Variants in PARD3B observed in about 807,000 individuals in gnomAD.
PARD3B encodes partitioning defective 3 homolog B.
Under a neutral mutation model 130.2 loss-of-function variants are expected in PARD3B, and 103 were observed. That is an observed-to-expected ratio of 0.79 (90% CI 0.67 to 0.93). The LOEUF (loss-of-function observed/expected upper bound fraction) is 0.93, where lower values mean the gene tolerates loss of function less well. Ranked by LOEUF, PARD3B falls within the 40% of genes least tolerant of loss-of-function variation. The pLI is 0.00. For missense variants in PARD3B, 1,609 were observed against 1,499.2 expected, an observed-to-expected ratio of 1.07 and a Z score of -1.21; for synonymous variants, 583 against 553.2, an observed-to-expected ratio of 1.05 and a Z score of -0.76.
chr2:204,853,191 T>A (rs2044780403), intron 2 of PARD3B, among the ~76,000 whole-genome samples: 1 of 152,320 alleles, frequency 6.6e-6, no homozygotes, highest in Non-Finnish European at 1.5e-5. Context: ...TAGCTCCGAT[T>A]TGATAAACAT....
chr2:205,355,750 T>C (rs555817598), intron 18 of PARD3B, among the ~76,000 whole-genome samples: 13 of 152,270 alleles, frequency 8.5e-5, no homozygotes, highest in African/African-American at 3.1e-4. Context: ...TTTAATTGGC[T>C]CACAGTTCAG....
chr2:204,554,150 C>T (rs1268140667), intron 1 of PARD3B, among the ~76,000 whole-genome samples: 1 of 152,008 alleles, frequency 6.6e-6, no homozygotes, highest in East Asian at 1.9e-4. Flanking sequence ...TTGGTTGTTC[C>T]TTCTTTCCTC....
Position 204,969,986 on chromosome 2 carries a change from G to C in PARD3B, c.394+4663G>C, listed in dbSNP as rs377398444. 2.0e-5 allele frequency among the ~76,000 whole-genome samples: 3 copies of C among 152,160 alleles called. No homozygotes were observed. The South Asian group carries it at 6.2e-4, about 32-fold the overall frequency. On this transcript the variant is annotated intron_variant, in intron 3 of 22. Transcript: ENST00000406610. ...AACCAATATACTAATGGGATCCATA[G>C]ATGTGGGGTTTTTTTTAATAACGTG...
At chr2:204,709,592 C>T (rs1256885450) in intron 2 of PARD3B, among the ~76,000 whole-genome samples, 2 of 152,200 alleles carry the variant, frequency 1.3e-5, no homozygotes, top group Non-Finnish European at 2.9e-5. Context: ...AGTGGACCAT[C>T]TACCTAGTAC....
intron 21 of PARD3B, among the ~76,000 whole-genome samples, chr2:205,524,944 G>A (rs1220588866): frequency 6.6e-6 from 1 of 152,130 alleles, no homozygotes; most frequent in Non-Finnish European, 1.5e-5. Context: ...CCAGAATCTG[G>A]GAGATCAGTA....
chr2:204,778,455 C>T (rs779303780), intron 2 of PARD3B, among the ~76,000 whole-genome samples: 8 of 152,000 alleles, frequency 5.3e-5, no homozygotes, highest in African/African-American at 7.2e-5. Context: ...GGCAGTGACA[C>T]GAAAAATGCA....
At chr2:204,969,315 A>T (rs1051386780) in intron 3 of PARD3B, among the ~76,000 whole-genome samples, 1 of 152,186 alleles carries the variant, frequency 6.6e-6, no homozygotes, top group Admixed American at 6.5e-5. Context: ...TAAGTTCTAG[A>T]TGCTATTTAA....
At chr2:204,674,018 C>T (rs895721414) in intron 1 of PARD3B, among the ~76,000 whole-genome samples, 2 of 152,064 alleles carry the variant, frequency 1.3e-5, no homozygotes, top group Non-Finnish European at 2.9e-5. Context: ...CTCTGTTATA[C>T]CCTGAGCCCG....
At chr2:204,762,672 T>C (rs1175536468) in intron 2 of PARD3B, among the ~76,000 whole-genome samples, 4 of 152,188 alleles carry the variant, frequency 2.6e-5, no homozygotes, top group African/African-American at 9.6e-5. Context: ...CCATTTGTTA[T>C]TGTTTTGAAT....
At chr2:205,496,524 C>T (rs898217188) in intron 20 of PARD3B, among the ~76,000 whole-genome samples, 1 of 152,048 alleles carries the variant, frequency 6.6e-6, no homozygotes, top group Non-Finnish European at 1.5e-5. Flanking sequence ...TTAGATGGTC[C>T]ATGACTTTCT....
intron 19 of PARD3B, among the ~76,000 whole-genome samples, chr2:205,415,368 C>A (rs1003563347): frequency 1.3e-5 from 2 of 151,936 alleles, no homozygotes; most frequent in Non-Finnish European, 2.9e-5. Flanking sequence ...AAAGCCTTGC[C>A]GAGAAAGGTA....
chr2:204,905,736 T>A (rs2047020400), intron 2 of PARD3B, among the ~76,000 whole-genome samples: 1 of 152,128 alleles, frequency 6.6e-6, no homozygotes. Context: ...GGGGGTTAAA[T>A]TAGATTTTAC....
intron 2 of PARD3B, among the ~76,000 whole-genome samples, chr2:204,878,818 A>G (rs10201810): frequency 0.12 from 18,182 of 152,192 alleles, 1,445 homozygotes; most frequent in African/African-American, 0.22. Context: ...GTTAGCTCTG[A>G]CAGAATGTAT....
chr2:205,564,957 CT>C lies in PARD3B; in HGVS notation c.3260+11556del, dbSNP rs992952670. On this transcript the variant is annotated intron_variant, in intron 22 of 22. Transcript: ENST00000406610. The surrounding 1 kb of genome is among the most constrained non-coding windows in gnomAD (Gnocchi z 4.6). ...CCCCACTCTGCAATCAGAACTGACC[CT>C]TATGGCCGAACATGGAATGACATGT... 3.3e-5 allele frequency among the ~76,000 whole-genome samples: 5 copies of C among 152,172 alleles called. No individual in the cohort carries two copies. In the East Asian group the frequency reaches 9.7e-4, roughly 29 times the overall value.
chr2:205,232,073 A>G (rs1056798263), intron 15 of PARD3B, among the ~76,000 whole-genome samples: 3 of 152,226 alleles, frequency 2.0e-5, no homozygotes, highest in Non-Finnish European at 2.9e-5. Context: ...AAATGCTGCT[A>G]TAGTCCTGCC....
chr2:205,096,683 G>A (rs1029042139), intron 4 of PARD3B, among the ~76,000 whole-genome samples: 9 of 152,162 alleles, frequency 5.9e-5, no homozygotes, highest in Non-Finnish European at 1.0e-4. Context: ...ATGTGCATGA[G>A]CACCCTGTGT....
At chr2:204,828,842 G>A (rs1363987801) in intron 2 of PARD3B, among the ~76,000 whole-genome samples, 1 of 152,118 alleles carries the variant, frequency 6.6e-6, no homozygotes, top group Non-Finnish European at 1.5e-5. Context: ...TGTCTGCAGG[G>A]TCAAATTGAA....
intron 22 of PARD3B, among the ~76,000 whole-genome samples, chr2:205,573,207 GAC>G (rs1161751978): frequency 6.6e-6 from 1 of 152,170 alleles, no homozygotes; most frequent in Non-Finnish European, 1.5e-5. Flanking sequence ...TTTGGGTGGG[GAC>G]ATACAACCAA....
chr2:204,914,383 A>G (rs2047364504), intron 2 of PARD3B, among the ~76,000 whole-genome samples: 1 of 152,206 alleles, frequency 6.6e-6, no homozygotes, highest in Non-Finnish European at 1.5e-5. Flanking sequence ...AGTCAAAGCC[A>G]TTTTCTTAAG....
Sources: gnomAD v4.1 joint callset for allele counts (sites outside exome capture counted in the v4.1 genomes callset) on GRCh38, gnomAD v4.1.1 for gene constraint, Gnocchi (gnomAD v3.1) non-coding constraint, MANE v1.5 for transcripts, NCBI Gene and HGNC (gene_info 2026-07-23, HGNC 2026-07-21) for gene names.